Variants in PWWP2A observed in about 807,000 individuals in gnomAD.
The protein encoded by PWWP2A is PWWP domain containing 2A, also known as PWWP domain-containing protein 2A.
Under a neutral mutation model 48.5 loss-of-function variants are expected in PWWP2A, and 18 were observed. That is an observed-to-expected ratio of 0.37 (90% CI 0.26 to 0.55). PWWP2A has a LOEUF of 0.55. PWWP2A is among the 20% of genes least tolerant of loss of function. PWWP2A has a pLI of 0.81. For missense variants in PWWP2A, 867 were observed against 976.4 expected (o/e 0.89, Z 1.49); for synonymous variants, 396 against 387.7 (o/e 1.02, Z -0.25).
chr5:160,061,156 G>T (rs530646130), downstream of PWWP2A, among the ~76,000 whole-genome samples: 73 of 152,340 alleles, frequency 4.8e-4, no homozygotes, highest in African/African-American at 1.7e-3. Context: ...CACACAGCTC[G>T]CCTGCCTATC....
the PWWP2A span, among the ~76,000 whole-genome samples, chr5:160,048,702 C>G: frequency 2.4e-4 from 36 of 152,278 alleles, no homozygotes; most frequent in African/African-American, 8.2e-4. Context: ...AGTCTGCCAC[C>G]AGATTGGTTT....
At chr5:160,095,856 G>A (rs918551601) in intron 1 of PWWP2A, among the ~76,000 whole-genome samples, 2 of 151,842 alleles carry the variant, frequency 1.3e-5, no homozygotes, top group Non-Finnish European at 2.9e-5. Context: ...CACCATGCCT[G>A]GCTAATTTTA....
intron 1 of PWWP2A, among the ~76,000 whole-genome samples, chr5:160,110,303 C>G (rs1018058666): frequency 2.0e-5 from 3 of 152,096 alleles, no homozygotes; most frequent in Non-Finnish European, 4.4e-5. Context: ...GGCCAACAGT[C>G]TGACATTTTA....
chr5:160,099,484 A>G (rs1218567228), intron 1 of PWWP2A, among the ~76,000 whole-genome samples: 2 of 152,136 alleles, frequency 1.3e-5, no homozygotes, highest in African/African-American at 4.8e-5. Flanking sequence ...CTGTAATACT[A>G]TTCAAAAAGA....
the PWWP2A span, among the ~76,000 whole-genome samples, chr5:160,045,520 A>T: frequency 0.092 from 5,001 of 54,450 alleles, 438 homozygotes; most frequent in Admixed American, 0.17. Flanking sequence ...ACACATACAC[A>T]CTCTCTCTCT....
At chr5:160,049,619 T>G in the PWWP2A span, 2 of 1,605,652 alleles carry the variant, frequency 1.2e-6, no homozygotes, top group Admixed American at 1.7e-5. Context: ...AAATCTATAT[T>G]AGAAAAAGAT....
At chr5:160,098,574 T>C (rs995817049) in intron 1 of PWWP2A, among the ~76,000 whole-genome samples, 45 of 152,102 alleles carry the variant, frequency 3.0e-4, no homozygotes, top group Non-Finnish European at 1.6e-4. Flanking sequence ...AAAATCAGAG[T>C]TAAGAGTAGA....
At chr5:160,105,258 A>C (rs939881464) in intron 1 of PWWP2A, among the ~76,000 whole-genome samples, 4 of 150,394 alleles carry the variant, frequency 2.7e-5, no homozygotes, top group Non-Finnish European at 5.9e-5. Flanking sequence ...AAAAAAAAAA[A>C]AAAAAACAGG....
At chr5:160,045,520 A>ACACACACTCT in the PWWP2A span, among the ~76,000 whole-genome samples, 9 of 54,904 alleles carry the variant, frequency 1.6e-4, no homozygotes, top group Non-Finnish European at 2.3e-4. Flanking sequence ...ACACATACAC[A>ACACACACTCT]CTCTCTCTCT....
chr5:160,116,589 G>A, intron 1 of PWWP2A: 1 of 815,246 alleles, frequency 1.2e-6, no homozygotes, highest in Non-Finnish European at 1.5e-6. Flanking sequence ...GATAGCATGA[G>A]ACCAAAACTC....
At chr5:160,099,617 G>A (rs939601963) in intron 1 of PWWP2A, among the ~76,000 whole-genome samples, 1 of 151,702 alleles carries the variant, frequency 6.6e-6, no homozygotes, top group Non-Finnish European at 1.5e-5. Context: ...CACCACAGTC[G>A]GCCCCAAAAT....
intron 1 of PWWP2A, among the ~76,000 whole-genome samples, chr5:160,095,686 CTTTTTT>C (rs11358268): frequency 2.5e-4 from 25 of 100,308 alleles, no homozygotes; most frequent in East Asian, 2.9e-4. Context: ...CCGAAATGTT[CTTTTTT>C]TTTTTTTTTT....
At chr5:160,115,814 G>A (rs544574244) in intron 1 of PWWP2A, among the ~76,000 whole-genome samples, 61 of 152,042 alleles carry the variant, frequency 4.0e-4, no homozygotes, top group Non-Finnish European at 8.2e-4. Flanking sequence ...ACTGCAGCCT[G>A]AGCAACATAG....
chr5:160,097,933 T>C (rs561262858), intron 1 of PWWP2A, among the ~76,000 whole-genome samples: 1 of 152,178 alleles, frequency 6.6e-6, no homozygotes, highest in South Asian at 2.1e-4. Flanking sequence ...AAGCTGGTTT[T>C]GAACTTCTGG....
chr5:160,089,109 C>A (rs1457116620), downstream of PWWP2A, among the ~76,000 whole-genome samples: 1 of 151,972 alleles, frequency 6.6e-6, no homozygotes, highest in East Asian at 1.9e-4. Flanking sequence ...GATTTTTTTC[C>A]CCATCAAAAC....
chr5:160,116,990 G>C (rs1031855264), intron 1 of PWWP2A: 1 of 152,624 alleles, frequency 6.6e-6, no homozygotes. Context: ...TACTTGGGAG[G>C]CTGAGGTAGG....
intron 2 of PWWP2A, among the ~76,000 whole-genome samples, chr5:160,081,479 A>T (rs144350967): frequency 5.9e-4 from 90 of 152,248 alleles, no homozygotes; most frequent in African/African-American, 2.1e-3. Flanking sequence ...ACCTCAGGTG[A>T]TCCACCTACC....
At chr5:160,065,013 C>T in intron 4 of PWWP2A, 2 of 1,614,074 alleles carry the variant, frequency 1.2e-6, no homozygotes, top group Non-Finnish European at 1.7e-6. Flanking sequence ...CAGGATTCCT[C>T]TACCGGCTCG....
At chr5:160,048,391 T>A in the PWWP2A span, among the ~76,000 whole-genome samples, 2 of 152,164 alleles carry the variant, frequency 1.3e-5, no homozygotes, top group South Asian at 4.2e-4. Flanking sequence ...CTGACCCCAA[T>A]TGACCTGCCT....
Sources: gnomAD v4.1 joint callset for allele counts (sites outside exome capture counted in the v4.1 genomes callset) on GRCh38, gnomAD v4.1.1 for gene constraint, MANE v1.5 for transcripts, NCBI Gene and HGNC (gene_info 2026-07-23, HGNC 2026-07-21) for gene names.